PRKACA: variants seen among roughly 807,000 people sequenced by gnomAD.
PRKACA encodes the protein protein kinase cAMP-activated catalytic subunit alpha.
Under a neutral mutation model 45.8 loss-of-function variants are expected in PRKACA, and 9 were observed. The observed-to-expected ratio is 0.20, with a 90% CI of 0.12 to 0.34. The LOEUF is 0.34. PRKACA is among the 10% of genes least tolerant of loss of function. PRKACA has a pLI of 1.00. For missense variants in PRKACA, 238 were observed against 458.6 expected (o/e 0.52, Z 4.39); for synonymous variants, 160 against 178.6 (o/e 0.90, Z 0.83).
chr19:14,105,492 C>T (rs1332419618), intron 3 of PRKACA, among the ~76,000 whole-genome samples: 1 of 146,120 alleles, frequency 6.8e-6, no homozygotes, highest in Non-Finnish European at 1.5e-5. Context: ...GCCTGGGCGA[C>T]AAGAGTGAGA....
intron 4 of PRKACA, chr19:14,101,288 C>G (rs190730625): frequency 2.2e-5 from 5 of 230,642 alleles, no homozygotes; most frequent in Non-Finnish European, 4.4e-5. Flanking sequence ...TACAGAGGGT[C>G]GGGTGTGGTG....
chr19:14,109,987 TATATATATATATACAC>T (rs1157051155), intron 1 of PRKACA, among the ~76,000 whole-genome samples: 40 of 82,660 alleles, frequency 4.8e-4, no homozygotes, highest in African/African-American at 2.5e-3. Context: ...TATATATATA[TATATATATATATACAC>T]ACACACACAC....
At chr19:14,110,696 A>G (rs138996665) in intron 1 of PRKACA, among the ~76,000 whole-genome samples, 1 of 152,200 alleles carries the variant, frequency 6.6e-6, no homozygotes, top group African/African-American at 2.4e-5. Context: ...ACCACCACCT[A>G]GGGCTACAAG....
chr19:14,106,053 C>T (rs373035177), intron 3 of PRKACA, among the ~76,000 whole-genome samples: 5 of 151,822 alleles, frequency 3.3e-5, no homozygotes, highest in African/African-American at 9.7e-5. Flanking sequence ...TATGGGGGCT[C>T]GGGGAATAGT....
At chr19:14,099,988 C>T (rs1007408862) in intron 5 of PRKACA, among the ~76,000 whole-genome samples, 42 of 152,094 alleles carry the variant, frequency 2.8e-4, no homozygotes, top group African/African-American at 9.2e-4. Flanking sequence ...CTATAGGCGC[C>T]CGCCATCACA....
At chr19:14,113,591 C>T (rs1004110849) in intron 1 of PRKACA, among the ~76,000 whole-genome samples, 2 of 152,188 alleles carry the variant, frequency 1.3e-5, no homozygotes, top group South Asian at 4.1e-4. Flanking sequence ...GGAAGGAGCC[C>T]AGCCACAGAA....
intron 3 of PRKACA, among the ~76,000 whole-genome samples, chr19:14,105,323 C>T (rs1359392509): frequency 6.6e-6 from 1 of 151,948 alleles, no homozygotes; most frequent in Non-Finnish European, 1.5e-5. Context: ...ACCAACCTGA[C>T]CAACATGGTG....
At chr19:14,096,044 T>G (rs990695266) in intron 8 of PRKACA, among the ~76,000 whole-genome samples, 10 of 146,106 alleles carry the variant, frequency 6.8e-5, no homozygotes, top group Admixed American at 3.4e-4. Context: ...TTTTTTTTTT[T>G]TTTTTTTTTT....
At chr19:14,116,019 G>A (rs915058903) in intron 1 of PRKACA, among the ~76,000 whole-genome samples, 1 of 151,962 alleles carries the variant, frequency 6.6e-6, no homozygotes, top group Non-Finnish European at 1.5e-5. Context: ...CTTCATGATC[G>A]CTCTGTGACT....
chr19:14,092,142 AG>A lies in PRKACA; in HGVS notation c.*969del. ...ATGCCCTCCCCACTCAGCTGAGGGA[AG>A]GCTGGACGTTAAAATCTAGCGGAGA... On this transcript the variant is annotated 3_prime_UTR_variant, in exon 10 of 10. Transcript: ENST00000308677. 1 of 152,628 alleles carries A rather than the reference AG, an allele frequency of 6.6e-6. No individual in the cohort carries two copies. The highest frequency in any genetic ancestry group is 1.9e-4 in the East Asian group (1 of 5,190). 9.5% of individuals were successfully genotyped at this position (152,628 alleles called of 1,614,324 possible).
At position 14,098,169 on chromosome 19, in the gene PRKACA, A is replaced by G. The variant is rs528403745; in HGVS notation, c.420-279T>C. On this transcript the variant is annotated intron_variant, in intron 5 of 9. Transcript: ENST00000308677. ...TGCATCCACTCAACAATGTGGCTGC[A>G]TTTCAAACTGATTATGTTAAGCAAA... 16 of 351,938 alleles carry G rather than the reference A, an allele frequency of 4.5e-5. No individual in the cohort carries two copies. The East Asian group carries it at 7.9e-4, about 17-fold the overall frequency. 21.8% of individuals were successfully genotyped at this position (351,938 alleles called of 1,614,324 possible).
intron 1 of PRKACA, among the ~76,000 whole-genome samples, chr19:14,114,506 G>C (rs751325919): frequency 1.8e-4 from 27 of 151,990 alleles, no homozygotes; most frequent in Non-Finnish European, 3.7e-4. Context: ...TTCTTGGGGG[G>C]TGCTTTTCTC....
In PRKACA at chr19:14,093,106, A is replaced by G. The variant is rs1179909611; in HGVS notation, c.*6T>C. On this transcript the variant is annotated 3_prime_UTR_variant, in exon 10 of 10. Coordinates refer to ENST00000308677, the MANE Select transcript of PRKACA (RefSeq NM_002730.4). ...AAAGAAAACCCATGGGGGCACAGGC[A>G]TGCCCCTAAAACTCAGAAAACTCCT... The G allele has an allele frequency of 2.7e-6, 4 of 1,506,140 alleles. No homozygotes were observed. Among genetic ancestry groups the G allele is most frequent in the East Asian group, 2.8e-5 (1 of 35,124 alleles). The allele number at this position is 1,506,140 out of a possible 1,614,324, so 93.3% of individuals were successfully genotyped here.
In PRKACA at chr19:14,097,120, C is replaced by A; in HGVS notation, c.765+241G>T. On this transcript the variant is annotated intron_variant, in intron 8 of 9. Coordinates refer to ENST00000308677, the MANE Select transcript of PRKACA (RefSeq NM_002730.4). This position sits in a 1 kb window ranked among gnomAD's most constrained non-coding sequence, Gnocchi z 5.4. Reference sequence around the variant, plus strand: ...GTTTGTGTTCTGTGGCCAAGATGTTCCCGTGAGGCTCGGGATTTTGGAAGC... The same window carrying A: ...GTTTGTGTTCTGTGGCCAAGATGTTACCGTGAGGCTCGGGATTTTGGAAGC... 1.8e-6 allele frequency: 1 copy of A among 550,676 alleles called. No homozygotes were observed. Among genetic ancestry groups the A allele is most frequent in the South Asian group, 2.0e-5 (1 of 50,548 alleles). The allele number at this position is 550,676 out of a possible 1,614,324, so 34.1% of individuals were successfully genotyped here.
chr19:14,097,967 A>C lies in PRKACA; in HGVS notation c.420-77T>G, dbSNP rs1977312841. The C allele has an allele frequency of 3.2e-6, 5 of 1,568,936 alleles. No homozygotes were observed. The Admixed American group carries it at 8.8e-5, about 28-fold the overall frequency. ...TCCAGCAGGTGGCCCTGCAGAGCCT[A>C]CCCCAGAGGAAGACACCTCCAGTCC... On this transcript the variant is annotated intron_variant, in intron 5 of 9. Coordinates refer to ENST00000308677, the MANE Select transcript of PRKACA (RefSeq NM_002730.4). This position sits in a 1 kb window ranked among gnomAD's most constrained non-coding sequence, Gnocchi z 5.4.
chr19:14,114,306 A>G (rs1967060413), intron 1 of PRKACA: 4 of 1,000,038 alleles, frequency 4.0e-6, no homozygotes, highest in Non-Finnish European at 1.5e-6. Context: ...AACCCAACCC[A>G]GAGGCCACTG....
intron 2 of PRKACA, among the ~76,000 whole-genome samples, chr19:14,107,132 G>A (rs1158889057): frequency 1.3e-5 from 2 of 152,024 alleles, no homozygotes; most frequent in Non-Finnish European, 1.5e-5. Flanking sequence ...TGGGGGCAGG[G>A]GCGGGCCGTT....
chr19:14,109,567 G>A (rs1053608743), intron 1 of PRKACA, among the ~76,000 whole-genome samples: 19 of 151,492 alleles, frequency 1.3e-4, no homozygotes, highest in African/African-American at 4.6e-4. Flanking sequence ...GCAGTGAGCC[G>A]AGATTGCACC....
intron 1 of PRKACA, among the ~76,000 whole-genome samples, chr19:14,115,517 A>T (rs1183453537): frequency 6.6e-6 from 1 of 152,094 alleles, no homozygotes; most frequent in African/African-American, 2.4e-5. Context: ...GAAAATTTGG[A>T]TAACAGCCCG....
Sources: gnomAD v4.1 joint callset for allele counts (sites outside exome capture counted in the v4.1 genomes callset) on GRCh38, gnomAD v4.1.1 for gene constraint, Gnocchi (gnomAD v3.1) non-coding constraint, MANE v1.5 for transcripts, NCBI Gene and HGNC (gene_info 2026-07-23, HGNC 2026-07-21) for gene names.